Variants in SP100 observed in about 807,000 individuals in gnomAD.
SP100 encodes the protein SP100 nuclear body protein.
Under a neutral mutation model 130.0 loss-of-function variants are expected in SP100, and 84 were observed. That is an observed-to-expected ratio of 0.65 (90% CI 0.54 to 0.77). The LOEUF (loss-of-function observed/expected upper bound fraction) is 0.77. SP100 is among the 30% of genes least tolerant of loss of function. The probability of loss-of-function intolerance (pLI) is 0.00; values close to 1 mark genes in which losing one functional copy is unlikely to be tolerated. For missense variants in SP100, 978 were observed against 1,052.2 expected (o/e 0.93, Z 0.97); for synonymous variants, 331 against 351.7 (o/e 0.94, Z 0.66).
intron 24 of SP100, among the ~76,000 whole-genome samples, chr2:230,526,270 A>G (rs1691421946): frequency 6.6e-6 from 1 of 152,198 alleles, no homozygotes; most frequent in African/African-American, 2.4e-5. Flanking sequence ...CCAGGCAAAC[A>G]GGGTCTGGAG....
At chr2:230,531,131 G>A (rs1032719854) in intron 24 of SP100, among the ~76,000 whole-genome samples, 2 of 152,156 alleles carry the variant, frequency 1.3e-5, no homozygotes, top group Admixed American at 6.5e-5. Flanking sequence ...TATGTTTACT[G>A]CAACACTATT....
chr2:230,463,697 C>G (rs1678200), intron 10 of SP100: 39,369 of 161,588 alleles, frequency 0.24, 5,480 homozygotes, highest in Non-Finnish European at 0.32. Context: ...AACAATTCAG[C>G]AAGGCACTGG....
rs867661784 is a variant in SP100 at position 230,463,418 on chromosome 2, T to C, written c.1058-649T>C. Among the ~76,000 whole-genome samples, 3 of 152,306 alleles carry C rather than the reference T, an allele frequency of 2.0e-5. No homozygotes were observed. The South Asian group carries it at 6.2e-4, about 32-fold the overall frequency. On this transcript the variant is annotated intron_variant, in intron 10 of 28. Transcript: ENST00000340126. ...CCCTTTACTTTCTAGATCCAGAGGA[T>C]ATTAGAAATATGCCACTTTAGGGAA...
chr2:230,502,100 A>T (rs922943408), intron 19 of SP100, among the ~76,000 whole-genome samples: 6 of 147,780 alleles, frequency 4.1e-5, no homozygotes, highest in Admixed American at 6.7e-5. Context: ...CTGGTTTTGA[A>T]CTCCTGACCT....
intron 2 of SP100, among the ~76,000 whole-genome samples, chr2:230,418,305 A>G (rs1319214446): frequency 6.6e-6 from 1 of 152,044 alleles, no homozygotes; most frequent in Non-Finnish European, 1.5e-5. Flanking sequence ...TTAAAAATTG[A>G]TAGTGTTTAT....
Position 230,540,950 on chromosome 2 carries a change from A to G in SP100, c.2285A>G (p.Gln762Arg). The G allele has an allele frequency of 6.2e-7, 1 of 1,613,794 alleles. No homozygotes were observed. The highest frequency in any genetic ancestry group is 8.5e-7 in the Non-Finnish European group (1 of 1,179,716). ...ERCPESQSGH[Q>R]ESEVLMRQML... Reference sequence around the variant, plus strand: ...TGCCCAGAAAGCCAATCAGGTCATCAGGAATCTGAAGTCCTGATGAGGCAG... The same window carrying G: ...TGCCCAGAAAGCCAATCAGGTCATCGGGAATCTGAAGTCCTGATGAGGCAG... The change falls in exon 26 of 29, where the codon CAG becomes CGG. Residue 762 changes from glutamine (Q) to arginine (R), a missense_variant. By Grantham distance (43) the Gln-to-Arg change is conservative (BLOSUM62 1). Transcript: ENST00000340126.
intron 2 of SP100, among the ~76,000 whole-genome samples, chr2:230,441,333 G>C (rs936007835): frequency 6.6e-6 from 1 of 152,160 alleles, no homozygotes; most frequent in Non-Finnish European, 1.5e-5. Flanking sequence ...AAACAGTTTG[G>C]CAGGTTCTTA....
chr2:230,427,612 A>G (rs1489796556), intron 2 of SP100, among the ~76,000 whole-genome samples: 1 of 152,176 alleles, frequency 6.6e-6, no homozygotes, highest in Non-Finnish European at 1.5e-5. Flanking sequence ...GTGTTCTGAC[A>G]GCTTTGTAGT....
At chr2:230,508,938 C>CACACACAT (rs1553643585) in intron 23 of SP100, 12 of 138,546 alleles carry the variant, frequency 8.7e-5, no homozygotes, top group Non-Finnish European at 1.8e-4. Flanking sequence ...CACACACACA[C>CACACACAT]ACACACACAT....
chr2:230,531,594 G>A (rs1383342144), intron 24 of SP100, among the ~76,000 whole-genome samples: 1 of 151,800 alleles, frequency 6.6e-6, no homozygotes, highest in African/African-American at 2.4e-5. Flanking sequence ...AAATACATTG[G>A]CAGTTTGGCA....
chr2:230,519,008 T>C (rs2150093916), intron 24 of SP100, among the ~76,000 whole-genome samples: 1 of 152,340 alleles, frequency 6.6e-6, no homozygotes, highest in East Asian at 1.9e-4. Context: ...CAGGTAAATT[T>C]CACTAGTTTT....
intron 25 of SP100, 127 bp downstream of exon 25, chr2:230,539,509 C>T (rs1278512335): frequency 1.6e-6 from 1 of 630,146 alleles, no homozygotes; most frequent in African/African-American, 1.8e-5. Context: ...GGAGCAGGCT[C>T]CTTAGCATCA....
chr2:230,468,591 T>G (rs959048366), intron 13 of SP100, among the ~76,000 whole-genome samples: 2 of 151,924 alleles, frequency 1.3e-5, no homozygotes, highest in Non-Finnish European at 1.5e-5. Flanking sequence ...GGCAGGTGGA[T>G]CTTTTGAGCC....
At chr2:230,487,182 C>T (rs1003632315) in intron 17 of SP100, among the ~76,000 whole-genome samples, 1 of 152,198 alleles carries the variant, frequency 6.6e-6, no homozygotes, top group African/African-American at 2.4e-5. Context: ...TTAATTAGAT[C>T]CCATTTGTCA....
chr2:230,437,759 T>C (rs749008159), intron 2 of SP100, among the ~76,000 whole-genome samples: 2 of 152,038 alleles, frequency 1.3e-5, no homozygotes, highest in Non-Finnish European at 2.9e-5. Context: ...GATTTCACTA[T>C]GTTGGTCAGG....
chr2:230,467,096 A>G (rs1253156109), intron 12 of SP100, 24 bp from the exon 13 acceptor site: 1 of 1,537,600 alleles, frequency 6.5e-7, no homozygotes, highest in African/African-American at 1.4e-5. Context: ...GAGAGCTCCA[A>G]AGGACATTTG....
rs567841290 is a variant in SP100 at position 230,433,115 on chromosome 2, C to T, written c.108-9822C>T. Among the ~76,000 whole-genome samples the T allele has an allele frequency of 4.6e-5, 7 of 152,238 alleles. No homozygotes were observed. In the South Asian group the frequency reaches 1.2e-3, roughly 27 times the overall value. On this transcript the variant is annotated intron_variant, in intron 2 of 28. Coordinates refer to ENST00000340126, the MANE Select transcript of SP100 (RefSeq NM_001080391.2). ...TTTGTGACTGCACAGGATGCATGCC[C>T]ATAAAGCCATCCCTGCTTTTACATT... is the stretch of plus-strand genomic sequence containing the variant.
At chr2:230,449,215 G>T in intron 6 of SP100, 65 bp downstream of exon 6, 2 of 1,511,048 alleles carry the variant, frequency 1.3e-6, no homozygotes, top group Non-Finnish European at 1.8e-6. Flanking sequence ...ATGTGCTGTG[G>T]GGTTGCCTCT....
At chr2:230,450,558 T>C (rs1035148753) in intron 8 of SP100, among the ~76,000 whole-genome samples, 6 of 152,232 alleles carry the variant, frequency 3.9e-5, no homozygotes, top group Admixed American at 6.5e-5. Flanking sequence ...TCGTGTTGTA[T>C]AAAAGATCTC....
Sources: allele counts gnomAD v4.1 joint callset (sites outside exome capture counted in the v4.1 genomes callset), GRCh38; gene constraint gnomAD v4.1.1; transcripts MANE v1.5; gene names NCBI Gene and HGNC (gene_info 2026-07-23, HGNC 2026-07-21).